Variants in SCARB2 observed in about 807,000 individuals in gnomAD.
SCARB2 encodes the protein lysosome membrane protein 2.
Under a neutral mutation model 58.6 loss-of-function variants are expected in SCARB2, and 29 were observed. The ratio of observed to expected loss-of-function variants is 0.49; its 90% confidence interval spans 0.37 to 0.67. SCARB2 has a LOEUF of 0.67. Ranked by LOEUF, SCARB2 falls within the 30% of genes least tolerant of loss-of-function variation. The probability of loss-of-function intolerance (pLI) is 0.00; values close to 1 mark genes in which losing one functional copy is unlikely to be tolerated. For synonymous variants in SCARB2, 195 were observed against 210.1 expected (o/e 0.93, Z 0.62); for missense variants, 488 against 578.5 (o/e 0.84, Z 1.60).
chr4:76,224,996 T>C (rs1263430554), intron 1 of SCARB2, among the ~76,000 whole-genome samples: 1 of 152,018 alleles, frequency 6.6e-6, no homozygotes, highest in Non-Finnish European at 1.5e-5. Context: ...GCATCTTATA[T>C]GCATCCTCAT....
rs368869126 is a variant in SCARB2 at position 76,179,709 on chromosome 4, C to A, written c.424-4G>T. 21 of 1,611,706 alleles carry A rather than the reference C, an allele frequency of 1.3e-5. No homozygotes were observed. Among genetic ancestry groups the A allele is most frequent in the Non-Finnish European group, 1.7e-5 (20 of 1,178,326 alleles). On this transcript the variant is annotated splice_region_variant and splice_polypyrimidine_tract_variant and intron_variant, in intron 3 of 11. Transcript: ENST00000264896. ...CCTGGGACCACTCTATGACAGTCTG[C>A]GGAGCAGAGGTATATTAAGACAGCA...
intron 7 of SCARB2, 100 bp downstream of exon 7, chr4:76,174,044 T>G: frequency 7.0e-7 from 1 of 1,437,962 alleles, no homozygotes; most frequent in Non-Finnish European, 9.8e-7. Flanking sequence ...TAGCTGGGAC[T>G]GTAGGTGTGC....
intron 1 of SCARB2, among the ~76,000 whole-genome samples, chr4:76,218,874 A>G (rs1446788386): frequency 1.3e-5 from 2 of 152,340 alleles, no homozygotes; most frequent in African/African-American, 2.4e-5. Flanking sequence ...CTACTTGTAC[A>G]TAGTACTTGT....
chr4:76,176,417 T>C lies in SCARB2; in HGVS notation c.704+20A>G. 6.5e-7 allele frequency: 1 copy of C among 1,539,746 alleles called. No homozygotes were observed. The highest frequency in any genetic ancestry group is 1.1e-5 in the South Asian group (1 of 89,284). On this transcript the variant is annotated intron_variant, in intron 5 of 11. Transcript: ENST00000264896. ...ATGAAAACTGAAAAAATAATTCCAC[T>C]GATAAATCATTTGACTTACGTTTTC... is the stretch of plus-strand genomic sequence containing the variant.
intron 7 of SCARB2, among the ~76,000 whole-genome samples, 182 bp from the exon 8 acceptor site, chr4:76,170,167 C>T (rs1339061884): frequency 6.6e-6 from 1 of 152,164 alleles, no homozygotes; most frequent in East Asian, 1.9e-4. Flanking sequence ...ACTTCATTTT[C>T]TGACATCTCA....
chr4:76,179,781 A>T, intron 3 of SCARB2, 76 bp from the exon 4 acceptor site: 1 of 1,074,306 alleles, frequency 9.3e-7, no homozygotes, highest in Non-Finnish European at 1.4e-6. Context: ...ACTACCCCAT[A>T]GCAAAGGGGG....
chr4:76,223,901 G>C (rs979791261), intron 1 of SCARB2, among the ~76,000 whole-genome samples: 1 of 152,146 alleles, frequency 6.6e-6, no homozygotes, highest in African/African-American at 2.4e-5. Context: ...GGACATTCAG[G>C]CTTGATCTTT....
intron 1 of SCARB2, chr4:76,213,079 TTC>T (rs1733093485): frequency 2.9e-6 from 1 of 350,252 alleles, no homozygotes; most frequent in Admixed American, 3.9e-5. Flanking sequence ...TTTCATTCAG[TTC>T]TGTTTCTTCA....
chr4:76,191,759 CCTGT>C (rs1732612114), intron 2 of SCARB2: 1 of 141,070 alleles, frequency 7.1e-6, no homozygotes, highest in Non-Finnish European at 1.5e-5. Flanking sequence ...TCCCTCCCTC[CCTGT>C]CTTTCTTTCT....
intron 11 of SCARB2, chr4:76,163,017 T>C: frequency 3.1e-6 from 2 of 635,266 alleles, no homozygotes; most frequent in Non-Finnish European, 5.6e-6. Flanking sequence ...AAATATTAGA[T>C]GGTACCTTCT....
rs1560716042 is a variant in SCARB2 at position 76,195,721 on chromosome 4, C to T, written c.261G>A (p.Gly87=). 1 of 1,613,944 alleles carries T rather than the reference C, an allele frequency of 6.2e-7. No individual in the cohort carries two copies. The highest frequency in any genetic ancestry group is 1.7e-5 in the Admixed American group (1 of 60,018). The change falls in exon 2 of 12, where the codon GGG becomes GGA. Residue 87 remains glycine, a synonymous_variant. Coordinates refer to ENST00000264896, the MANE Select transcript of SCARB2 (RefSeq NM_005506.4). ...RGETPRVEEV[G]PYTYRELRNK... ...TCAAGACTTACCTGTAGGTGTATGGCCCCACTTCTTCCACCCGAGGGGTCT... is the reference window on the plus strand; with the variant it reads ...TCAAGACTTACCTGTAGGTGTATGGTCCCACTTCTTCCACCCGAGGGGTCT...
chr4:76,185,627 G>A (rs1732468865), intron 2 of SCARB2, among the ~76,000 whole-genome samples: 1 of 152,134 alleles, frequency 6.6e-6, no homozygotes, highest in South Asian at 2.1e-4. Flanking sequence ...AAATCAAAAG[G>A]AATAATTTTA....
chr4:76,160,564 C>G lies in SCARB2; in HGVS notation c.*1149G>C, dbSNP rs997541703. The stretch of plus-strand genomic sequence containing the variant: ...ATCATTCTGTCAGCAAAATGATTGT[C>G]ACAGGAAGTATAGGGCACACGTTTC... On this transcript the variant is annotated 3_prime_UTR_variant, in exon 12 of 12. Transcript: ENST00000264896. The G allele has an allele frequency of 6.6e-6, 1 of 152,160 alleles. No homozygotes were observed. The highest frequency in any genetic ancestry group is 2.4e-5 in the African/African-American group (1 of 41,438). The allele number at this position is 152,160 out of a possible 1,614,324, so 9.4% of individuals were successfully genotyped here. A position where few individuals can be genotyped will look rare whatever the true frequency, so the allele number is the denominator to read the frequency against.
chr4:76,206,060 A>G (rs1732924998), intron 1 of SCARB2, among the ~76,000 whole-genome samples: 1 of 152,154 alleles, frequency 6.6e-6, no homozygotes, highest in Non-Finnish European at 1.5e-5. Context: ...TGATTAGGTC[A>G]CGAGCGTAGA....
At chr4:76,184,767 G>T (rs894038745) in intron 2 of SCARB2, 2 of 376,416 alleles carry the variant, frequency 5.3e-6, no homozygotes, top group Non-Finnish European at 1.0e-5. Flanking sequence ...GAGCAACAGA[G>T]CAAGACTTTG....
intron 1 of SCARB2, among the ~76,000 whole-genome samples, chr4:76,201,727 C>G (rs1162052570): frequency 3.9e-5 from 6 of 152,188 alleles, no homozygotes; most frequent in Non-Finnish European, 7.3e-5. Context: ...TTGGAATTAG[C>G]AGGGTCTATT....
At chr4:76,176,579 C>A in intron 4 of SCARB2, 51 bp from the exon 5 acceptor site, 1 of 1,321,010 alleles carries the variant, frequency 7.6e-7, no homozygotes, top group Non-Finnish European at 1.1e-6. Flanking sequence ...AATTTTATGA[C>A]AACTTGGCTA....
At chr4:76,167,817 G>C (rs1732045092) in intron 9 of SCARB2, among the ~76,000 whole-genome samples, 2 of 151,808 alleles carry the variant, frequency 1.3e-5, no homozygotes, top group African/African-American at 4.8e-5. Flanking sequence ...GAATAGCTGG[G>C]ATTATAGGCA....
chr4:76,200,436 G>A (rs945993097), intron 1 of SCARB2, among the ~76,000 whole-genome samples: 4 of 152,166 alleles, frequency 2.6e-5, no homozygotes, highest in Non-Finnish European at 4.4e-5. Flanking sequence ...AAGTTCTATG[G>A]TGAATTCACA....
Sources: gnomAD v4.1 joint callset for allele counts (sites outside exome capture counted in the v4.1 genomes callset) on GRCh38, gnomAD v4.1.1 for gene constraint, MANE v1.5 for transcripts, NCBI Gene and HGNC (gene_info 2026-07-23, HGNC 2026-07-21) for gene names.